The following PRKD3 variants were observed in gnomAD, a reference collection of about 807,000 sequenced individuals.
PRKD3 encodes serine/threonine-protein kinase D3.
In PRKD3, 47 loss-of-function variants were observed where a neutral mutation model predicts 99.2. That is an observed-to-expected ratio of 0.47 (90% CI 0.38 to 0.60). PRKD3 has a LOEUF of 0.60. Ranked by LOEUF, PRKD3 falls within the 20% of genes least tolerant of loss-of-function variation. The pLI, the probability that PRKD3 is intolerant of heterozygous loss-of-function variation, is 0.00. For synonymous variants in PRKD3, 392 were observed against 355.4 expected (o/e 1.10, Z -1.16); for missense variants, 1,019 against 1,088.4 (o/e 0.94, Z 0.90).
Position 37,316,254 on chromosome 2 carries a change from A to C in PRKD3, c.271T>G (p.Ser91Ala). Residue 91 changes from serine to alanine, a missense_variant, in exon 2 of 19, where the codon TCC becomes GCC. Physicochemically the swap from Ser to Ala is moderately conservative, Grantham distance 99. Around this residue, in one of 3 missense-constraint regions of PRKD3, gnomAD observed 710 missense variants for 692.7 expected, o/e 1.02. Transcript: ENST00000234179. Reference sequence around the variant, plus strand: ...CACAGTACCTTTTGATAAACTATGGAGCACACAAGATCCTTGACAGCAGAT... The same window carrying C: ...CACAGTACCTTTTGATAAACTATGGCGCACACAAGATCCTTGACAGCAGAT... ...SLSAVKDLVC[S>A]IVYQKFPECG... 2 of 1,613,418 alleles carry C rather than the reference A, an allele frequency of 1.2e-6. No individual in the cohort carries two copies. The highest frequency in any genetic ancestry group is 1.7e-5 in the Admixed American group (1 of 60,032).
chr2:37,258,907 G>A (rs976529351), intron 16 of PRKD3, among the ~76,000 whole-genome samples: 2 of 152,084 alleles, frequency 1.3e-5, no homozygotes, highest in Non-Finnish European at 2.9e-5. Flanking sequence ...TGAGCTGATC[G>A]GAGGAATCAT....
At chr2:37,309,790 G>A (rs1198835093) in intron 2 of PRKD3, among the ~76,000 whole-genome samples, 4 of 146,866 alleles carry the variant, frequency 2.7e-5, no homozygotes, top group African/African-American at 1.0e-4. Context: ...GGAAGTTGCA[G>A]TGAGCCGAGA....
At chr2:37,286,053 C>A (rs1670079477) in intron 6 of PRKD3, 124 bp downstream of exon 6, 1 of 877,690 alleles carries the variant, frequency 1.1e-6, no homozygotes, top group East Asian at 2.7e-5. Context: ...ATTTCTCTTT[C>A]CTTTATATAA....
At chr2:37,321,193 C>G (rs1671870188) in intron 1 of PRKD3, among the ~76,000 whole-genome samples, 1 of 152,126 alleles carries the variant, frequency 6.6e-6, no homozygotes, top group Non-Finnish European at 1.5e-5. Context: ...GGGTACGAGG[C>G]TCTAAATAAT....
chr2:37,311,856 C>G (rs1671439281), intron 2 of PRKD3, among the ~76,000 whole-genome samples: 1 of 152,148 alleles, frequency 6.6e-6, no homozygotes, highest in African/African-American at 2.4e-5. Context: ...CTCCCACTCC[C>G]AAAGGACCTG....
intron 16 of PRKD3, among the ~76,000 whole-genome samples, chr2:37,258,976 T>C (rs575287389): frequency 1.3e-5 from 2 of 152,150 alleles, no homozygotes; most frequent in South Asian, 2.1e-4. Context: ...TTTCTCAGGA[T>C]GGTTGTTTCA....
chr2:37,253,037 C>T lies in PRKD3; in HGVS notation c.*140G>A, dbSNP rs2148467187. The T allele has an allele frequency of 5.0e-6, 4 of 802,298 alleles. No individual in the cohort carries two copies. Among genetic ancestry groups the T allele is most frequent in the East Asian group, 5.4e-5 (2 of 37,076 alleles). The allele number at this position is 802,298 out of a possible 1,614,324, so 49.7% of individuals were successfully genotyped here. A position where few individuals can be genotyped will look rare whatever the true frequency, so the allele number is the denominator to read the frequency against. On this transcript the variant is annotated 3_prime_UTR_variant, in exon 19 of 19. Transcript: ENST00000234179. ...GCCTGTACCTACTCATTATGAACTACAGTACTGGTGTCACTTATTCGTTAT... is the reference window on the plus strand; with the variant it reads ...GCCTGTACCTACTCATTATGAACTATAGTACTGGTGTCACTTATTCGTTAT...
chr2:37,256,517 G>GT, intron 17 of PRKD3, 145 bp downstream of exon 17: 2 of 1,104,630 alleles, frequency 1.8e-6, no homozygotes, highest in South Asian at 3.7e-5. Context: ...CAAAAAACTG[G>GT]TAACTAGTTG....
chr2:37,311,437 C>A (rs545657307), intron 2 of PRKD3, among the ~76,000 whole-genome samples: 1 of 152,142 alleles, frequency 6.6e-6, no homozygotes, highest in Admixed American at 6.5e-5. Flanking sequence ...CCACAGTTAT[C>A]TAGCACAGTG....
intron 5 of PRKD3, among the ~76,000 whole-genome samples, chr2:37,287,230 C>CAAAAAAAAAAAAAAAAAAAAAA (rs754092348): frequency 5.6e-5 from 3 of 53,658 alleles, no homozygotes; most frequent in African/African-American, 1.9e-4. Context: ...AACTCCATCT[C>CAAAAAAAAAAAAAAAAAAAAAA]AAAAAAAAAA....
At chr2:37,289,666 C>A (rs1414399173) in intron 4 of PRKD3, among the ~76,000 whole-genome samples, 153 bp from the exon 5 acceptor site, 8 of 152,080 alleles carry the variant, frequency 5.3e-5, no homozygotes, top group Admixed American at 1.3e-4. Context: ...TAAGTGGAAG[C>A]TAATGAATTC....
At chr2:37,281,555 C>T (rs1463970544) in intron 7 of PRKD3, among the ~76,000 whole-genome samples, 1 of 152,128 alleles carries the variant, frequency 6.6e-6, no homozygotes, top group Non-Finnish European at 1.5e-5. Context: ...AATGCAACTA[C>T]AAGGTGCCAT....
intron 7 of PRKD3, 89 bp from the exon 8 acceptor site, chr2:37,280,018 A>G (rs1669774499): frequency 5.9e-6 from 5 of 850,334 alleles, no homozygotes; most frequent in Non-Finnish European, 3.5e-6. Flanking sequence ...CTTAAAATGT[A>G]AGAAAATATC....
intron 1 of PRKD3, among the ~76,000 whole-genome samples, chr2:37,321,889 T>C (rs1671898989): frequency 2.0e-5 from 3 of 152,240 alleles, no homozygotes; most frequent in Admixed American, 2.0e-4. Context: ...AGTTATTAAA[T>C]TCTTCAAAAA....
chr2:37,279,966 T>C, intron 7 of PRKD3, 37 bp from the exon 8 acceptor site: 1 of 1,413,992 alleles, frequency 7.1e-7, no homozygotes, highest in Non-Finnish European at 9.7e-7. Context: ...AGTTTTATAT[T>C]AATAGAGGAA....
intron 11 of PRKD3, among the ~76,000 whole-genome samples, chr2:37,273,402 T>C (rs1268108423): frequency 1.3e-5 from 2 of 152,074 alleles, no homozygotes; most frequent in African/African-American, 4.8e-5. Context: ...ATCACACTTG[T>C]CTCAACTAAA....
intron 7 of PRKD3, among the ~76,000 whole-genome samples, chr2:37,281,275 C>G (rs988638747): frequency 6.6e-6 from 1 of 151,886 alleles, no homozygotes; most frequent in Non-Finnish European, 1.5e-5. Context: ...TAGAAAAACA[C>G]GAAAACACAA....
intron 2 of PRKD3, 59 bp from the exon 3 acceptor site, chr2:37,293,330 G>A (rs577053834): frequency 3.5e-6 from 5 of 1,409,492 alleles, no homozygotes; most frequent in African/African-American, 1.4e-5. Flanking sequence ...ATAAGTAAAC[G>A]TTTCAATTTT....
intron 1 of PRKD3, among the ~76,000 whole-genome samples, chr2:37,319,655 A>G (rs1572710336): frequency 6.6e-6 from 1 of 152,120 alleles, no homozygotes; most frequent in Non-Finnish European, 1.5e-5. Flanking sequence ...GCCCTAGGTC[A>G]CTGAGAACAC....
Sources: allele counts gnomAD v4.1 joint callset (sites outside exome capture counted in the v4.1 genomes callset), GRCh38; gene constraint gnomAD v4.1.1; regional missense constraint gnomAD v4.1.1; transcripts MANE v1.5; gene names NCBI Gene and HGNC (gene_info 2026-07-23, HGNC 2026-07-21).